RNF111: variants seen among roughly 807,000 people sequenced by gnomAD.
The protein encoded by RNF111 is ring finger protein 111, also known as E3 ubiquitin-protein ligase Arkadia.
RNF111 carries 17 observed loss-of-function variants against 95.1 expected under a neutral mutation model. The observed-to-expected ratio is 0.18, with a 90% CI of 0.12 to 0.27. RNF111 has a LOEUF of 0.27. Ranked by LOEUF, RNF111 falls within the 10% of genes least tolerant of loss-of-function variation. The pLI is 1.00. For missense variants in RNF111, 1,189 were observed against 1,210.4 expected (o/e 0.98, Z 0.26); for synonymous variants, 440 against 414.8 (o/e 1.06, Z -0.74).
intron 8 of RNF111, 38 bp downstream of exon 8, chr15:59,081,322 T>C (rs1172591642): frequency 6.4e-7 from 1 of 1,555,108 alleles, no homozygotes. Context: ...TCAAGTTTGC[T>C]TTTTCTTCTA....
At chr15:59,011,008 G>C (rs1387255915) in intron 1 of RNF111, among the ~76,000 whole-genome samples, 5 of 152,102 alleles carry the variant, frequency 3.3e-5, no homozygotes, top group Non-Finnish European at 5.9e-5. Context: ...CATCGTTCTA[G>C]ACAGATAGTT....
intron 5 of RNF111, among the ~76,000 whole-genome samples, chr15:59,066,187 C>T (rs1261183275): frequency 6.6e-6 from 1 of 152,050 alleles, no homozygotes; most frequent in African/African-American, 2.4e-5. Context: ...TTTACTGTGC[C>T]ATAGGAAAAC....
At chr15:58,990,672 A>G (rs1005655683) in intron 1 of RNF111, among the ~76,000 whole-genome samples, 1 of 152,176 alleles carries the variant, frequency 6.6e-6, no homozygotes, top group African/African-American at 2.4e-5. Context: ...CAAACAAAAA[A>G]ACTATGATTG....
At chr15:59,082,224 C>G (rs143497121) in intron 8 of RNF111, among the ~76,000 whole-genome samples, 5 of 152,268 alleles carry the variant, frequency 3.3e-5, no homozygotes, top group Admixed American at 3.3e-4. Context: ...TAAAATCTGA[C>G]CAGTTTTACC....
intron 6 of RNF111, among the ~76,000 whole-genome samples, chr15:59,073,652 T>A (rs1160099866): frequency 6.6e-6 from 1 of 152,210 alleles, no homozygotes; most frequent in African/African-American, 2.4e-5. Context: ...ACTGAAGTCT[T>A]GAACCCCTCA....
At chr15:59,066,660 AC>A in intron 5 of RNF111, 103 bp from the exon 6 acceptor site, 1 of 912,268 alleles carries the variant, frequency 1.1e-6, no homozygotes, top group South Asian at 1.7e-5. Context: ...ATTTGAAATT[AC>A]CGAACATTTC....
At chr15:59,014,395 C>T (rs1253231278) in intron 1 of RNF111, among the ~76,000 whole-genome samples, 1 of 152,178 alleles carries the variant, frequency 6.6e-6, no homozygotes, top group Non-Finnish European at 1.5e-5. Flanking sequence ...AGTTCCTATG[C>T]AGAATGCTTG....
In RNF111 at chr15:59,072,507, G is replaced by A. The variant is rs371993145; in HGVS notation, c.1687-3447G>A. On this transcript the variant is annotated intron_variant, in intron 6 of 13. Transcript: ENST00000348370. ...CTCGCTCTGTTGCCCAGGCTGGAGT[G>A]CAGTGGCGTGATCTCGGCTCACTGA... 5.7e-4 allele frequency among the ~76,000 whole-genome samples: 80 copies of A among 139,692 alleles called. 2 individuals are homozygous for A. In the South Asian group the frequency reaches 0.017, roughly 30 times the overall value. 91.6% of individuals were successfully genotyped at this position (139,692 alleles called of 152,430 possible). A position where few individuals can be genotyped will look rare whatever the true frequency, so the allele number is the denominator to read the frequency against.
intron 5 of RNF111, among the ~76,000 whole-genome samples, chr15:59,063,396 G>A (rs1037660965): frequency 1.3e-5 from 2 of 152,034 alleles, no homozygotes; most frequent in Non-Finnish European, 2.9e-5. Flanking sequence ...CCTGCCTCTC[G>A]ATAATCCTGC....
Position 59,004,167 on chromosome 15 carries a change from G to A in RNF111, c.-20+16099G>A, listed in dbSNP as rs772807682. 8 of 1,201,838 alleles carry A rather than the reference G, an allele frequency of 6.7e-6. No homozygotes were observed. In the South Asian group the frequency reaches 1.2e-4, roughly 18 times the overall value. 74.4% of individuals were successfully genotyped at this position (1,201,838 alleles called of 1,614,324 possible). A position where few individuals can be genotyped will look rare whatever the true frequency, so the allele number is the denominator to read the frequency against. On this transcript the variant is annotated intron_variant, in intron 1 of 13. Transcript: ENST00000348370. ...CATAGATGGCAGTTCTGGATTAGCA[G>A]TTTTAAGGTCTCAACTTTGTTTTTA...
chr15:59,079,673 A>C (rs1192329456), intron 7 of RNF111, among the ~76,000 whole-genome samples: 5 of 149,200 alleles, frequency 3.4e-5, no homozygotes, highest in African/African-American at 1.2e-4. Flanking sequence ...TTTTTTTTAC[A>C]TGTCAAGTAG....
chr15:59,093,449 G>C (rs1237308510), intron 13 of RNF111: 1 of 440,102 alleles, frequency 2.3e-6, no homozygotes, highest in African/African-American at 2.1e-5. Context: ...GGGCTGAAGC[G>C]ATCCACCTAC....
chr15:58,989,547 C>T (rs781088183), intron 1 of RNF111, among the ~76,000 whole-genome samples: 3 of 152,180 alleles, frequency 2.0e-5, no homozygotes, highest in African/African-American at 7.2e-5. Flanking sequence ...CACTTCTTAA[C>T]TTTTGTTTGG....
At chr15:58,995,035 G>T (rs1227522826) in intron 1 of RNF111, among the ~76,000 whole-genome samples, 4 of 152,110 alleles carry the variant, frequency 2.6e-5, no homozygotes, top group Non-Finnish European at 4.4e-5. Context: ...AATGCATTTA[G>T]TTGTCATATC....
At chr15:59,010,172 C>T (rs943188468) in intron 1 of RNF111, among the ~76,000 whole-genome samples, 14 of 151,956 alleles carry the variant, frequency 9.2e-5, no homozygotes, top group Non-Finnish European at 1.9e-4. Flanking sequence ...TTGTTTTATG[C>T]TGCTAATTAT....
chr15:59,051,833 A>G (rs1201201958), intron 2 of RNF111, among the ~76,000 whole-genome samples: 3 of 152,102 alleles, frequency 2.0e-5, no homozygotes, highest in East Asian at 1.9e-4. Context: ...GACAAATTTC[A>G]TAACATAAAA....
chr15:59,089,202 G>T (rs1233191969), intron 10 of RNF111, among the ~76,000 whole-genome samples: 4 of 152,050 alleles, frequency 2.6e-5, no homozygotes, highest in Non-Finnish European at 5.9e-5. Flanking sequence ...AAATAATGAA[G>T]ATTGACTGTA....
At chr15:59,090,583 AC>A (rs1459872774) in intron 11 of RNF111, among the ~76,000 whole-genome samples, 1 of 152,136 alleles carries the variant, frequency 6.6e-6, no homozygotes, top group African/African-American at 2.4e-5. Flanking sequence ...GTGACTTAGA[AC>A]TATTGTTTGA....
intron 4 of RNF111, among the ~76,000 whole-genome samples, chr15:59,056,101 G>A (rs1465809150): frequency 1.3e-5 from 2 of 152,094 alleles, no homozygotes; most frequent in Non-Finnish European, 2.9e-5. Context: ...TTTGAGGTTA[G>A]CTCAAACTAG....
Sources: allele counts gnomAD v4.1 joint callset (sites outside exome capture counted in the v4.1 genomes callset), GRCh38; gene constraint gnomAD v4.1.1; transcripts MANE v1.5; gene names NCBI Gene and HGNC (gene_info 2026-07-23, HGNC 2026-07-21).